Variants in ERGIC1 observed in about 807,000 individuals in gnomAD.
ERGIC1 encodes endoplasmic reticulum-golgi intermediate compartment 1.
ERGIC1 carries 19 observed loss-of-function variants against 38.3 expected under a neutral mutation model. The observed-to-expected ratio is 0.50, with a 90% confidence interval of 0.35 to 0.73. The LOEUF is 0.73. Among genes scored for constraint, ERGIC1 ranks in the 30% least tolerant of loss-of-function variants. ERGIC1 has a pLI of 0.01. For synonymous variants in ERGIC1, 124 were observed against 157.6 expected (o/e 0.79, Z 1.60); for missense variants, 294 against 389.2 (o/e 0.76, Z 2.06).
At chr5:172,941,100 G>A (rs535804875) in intron 9 of ERGIC1, among the ~76,000 whole-genome samples, 7 of 152,294 alleles carry the variant, frequency 4.6e-5, no homozygotes, top group East Asian at 3.9e-4. Flanking sequence ...CCAACATGGC[G>A]AAACTTTGTC....
intron 1 of ERGIC1, among the ~76,000 whole-genome samples, chr5:172,836,482 A>C (rs1761039686): frequency 6.6e-6 from 1 of 152,132 alleles, no homozygotes; most frequent in Non-Finnish European, 1.5e-5. Flanking sequence ...GTGAGAATGG[A>C]TTCAGTGCTT....
intron 7 of ERGIC1, among the ~76,000 whole-genome samples, chr5:172,928,106 G>A (rs148536680): frequency 6.6e-6 from 1 of 152,272 alleles, no homozygotes; most frequent in Admixed American, 6.5e-5. Flanking sequence ...ATGGTAACAT[G>A]TCATCCGACG....
Position 172,926,338 on chromosome 5 carries a change from C to G in ERGIC1, c.481-171C>G, listed in dbSNP as rs756055452. Among the ~76,000 whole-genome samples the G allele has an allele frequency of 6.6e-6, 1 of 152,210 alleles. No homozygotes were observed. Among genetic ancestry groups the G allele is most frequent in the Non-Finnish European group, 1.5e-5 (1 of 68,032 alleles). ...GAGATGGGAAACAAGCTTGTGCCTA[C>G]TATGTGCCAGGCCCCTGCTGCCTCT... On this transcript the variant is annotated intron_variant, in intron 6 of 9. Transcript: ENST00000393784. The surrounding 1 kb of genome is among the most constrained non-coding windows in gnomAD (Gnocchi z 5.2).
At chr5:172,909,492 T>TC (rs1177995526) in intron 3 of ERGIC1, among the ~76,000 whole-genome samples, 175 bp from the exon 4 acceptor site, 1 of 151,972 alleles carries the variant, frequency 6.6e-6, no homozygotes, top group African/African-American at 2.4e-5. Flanking sequence ...AAGGCTGCAC[T>TC]TGAAGAGTGC....
In ERGIC1 at chr5:172,895,380, A is replaced by C. The variant is rs148840473; in HGVS notation, c.83-1622A>C. ...AGTAACTCACTTAGGGCCATGCAGC[A>C]GGTGAGCAGTGGGGCCCCAGCGCAG... is the stretch of plus-strand genomic sequence containing the variant. On this transcript the variant is annotated intron_variant, in intron 2 of 9. Coordinates refer to ENST00000393784, the MANE Select transcript of ERGIC1 (RefSeq NM_001031711.3). Among the ~76,000 whole-genome samples the C allele has an allele frequency of 9.3e-3, 1,416 of 152,318 alleles. 13 individuals carry two copies. The highest frequency in any genetic ancestry group is 0.018 in the South Asian group (87 of 4,830).
rs544352291 is a variant in ERGIC1, at chr5:172,847,518, G to T, written c.20+13085G>T. 5.4e-3 allele frequency among the ~76,000 whole-genome samples: 811 copies of T among 151,576 alleles called. 1 individual carries two copies. Among genetic ancestry groups the T allele is most frequent in the Non-Finnish European group, 9.0e-3 (609 of 67,670 alleles). On this transcript the variant is annotated intron_variant, in intron 1 of 9. Coordinates refer to ENST00000393784, the MANE Select transcript of ERGIC1 (RefSeq NM_001031711.3). The stretch of plus-strand genomic sequence containing the variant: ...CATGTGATATATATATATATTTTTT[G>T]TTGTTGTTGTTGTTGAGAGGGAGTC...
At chr5:172,845,494 A>G (rs936221223) in intron 1 of ERGIC1, among the ~76,000 whole-genome samples, 3 of 152,200 alleles carry the variant, frequency 2.0e-5, no homozygotes, top group African/African-American at 4.8e-5. Flanking sequence ...CCATAGAGTC[A>G]TCTGTTGGTT....
At chr5:172,888,095 GGAAC>G (rs1196069333) in intron 1 of ERGIC1, among the ~76,000 whole-genome samples, 1 of 152,186 alleles carries the variant, frequency 6.6e-6, no homozygotes, top group Admixed American at 6.5e-5. Context: ...CTAGGGTTTG[GGAAC>G]GTGGCAGGGA....
chr5:172,857,827 CTGCTT>C, intron 1 of ERGIC1, among the ~76,000 whole-genome samples: 1 of 152,278 alleles, frequency 6.6e-6, no homozygotes, highest in African/African-American at 2.4e-5. Context: ...CATCTGCTCT[CTGCTT>C]TGCCTTCCTT....
chr5:172,914,556 C>G, intron 4 of ERGIC1, 158 bp from the exon 5 acceptor site: 1 of 1,200,816 alleles, frequency 8.3e-7, no homozygotes, highest in Non-Finnish European at 1.2e-6. Flanking sequence ...ATTGTCCTGT[C>G]CCCTGTAGTC....
At chr5:172,878,726 A>G (rs1762208531) in intron 1 of ERGIC1, among the ~76,000 whole-genome samples, 1 of 152,086 alleles carries the variant, frequency 6.6e-6, no homozygotes. Flanking sequence ...GGCGATGAGA[A>G]TGATTCTAGG....
rs1554110413 is a variant in ERGIC1 at position 172,893,939 on chromosome 5, A to ATCTATATATATATATATATATATATATG, written c.83-3062_83-3061insCTATATATATATATATATATATATATGT. 5.6e-5 allele frequency among the ~76,000 whole-genome samples: 2 copies of ATCTATATATATATATATATATATATATG among 35,774 alleles called. 1 individual carries two copies. The highest frequency in any genetic ancestry group is 1.4e-4 in the Non-Finnish European group (2 of 14,326). The allele number at this position is 35,774 out of a possible 152,430, so 23.5% of individuals were successfully genotyped here. On this transcript the variant is annotated intron_variant, in intron 2 of 9. Transcript: ENST00000393784. ...TGTGTGTGTGTGTGTGTGTGTGTAT[A>ATCTATATATATATATATATATATATATG]TATATATATATATATTTAAATGTCC...
intron 4 of ERGIC1, 88 bp from the exon 5 acceptor site, chr5:172,914,623 GGAT>G (rs1763305873): frequency 6.2e-7 from 1 of 1,609,040 alleles, no homozygotes; most frequent in South Asian, 1.1e-5. Flanking sequence ...CCCCTGCAAT[GGAT>G]GAATGAAGGC....
At chr5:172,913,470 G>A (rs1048283465) in intron 4 of ERGIC1, among the ~76,000 whole-genome samples, 2 of 152,204 alleles carry the variant, frequency 1.3e-5, no homozygotes, top group African/African-American at 4.8e-5. Flanking sequence ...CTGTGGACCC[G>A]TGAGGGTCAT....
Position 172,853,314 on chromosome 5 carries a change from GGGTGCT to G in ERGIC1, c.20+18884_20+18889del, listed in dbSNP as rs551907374. On this transcript the variant is annotated intron_variant, in intron 1 of 9. Coordinates refer to ENST00000393784, the MANE Select transcript of ERGIC1 (RefSeq NM_001031711.3). Reference sequence around the variant, plus strand: ...CCCCCATTGCGGCCCCCATCGTGCTGGGTGCTGGCTTTTGGAAATCCCTGCATACCC... The same window carrying G: ...CCCCCATTGCGGCCCCCATCGTGCTGGGCTTTTGGAAATCCCTGCATACCC... Among the ~76,000 whole-genome samples the G allele has an allele frequency of 2.7e-3, 413 of 152,314 alleles. 1 individual carries two copies. The highest frequency in any genetic ancestry group is 9.5e-3 in the African/African-American group (394 of 41,560).
At chr5:172,947,916 ATTT>A (rs1453459603) in intron 9 of ERGIC1, among the ~76,000 whole-genome samples, 8 of 129,950 alleles carry the variant, frequency 6.2e-5, no homozygotes, top group African/African-American at 1.9e-4. Flanking sequence ...GTGTGTGGTT[ATTT>A]TTTATTTTTT....
chr5:172,841,810 A>C (rs1206462629), intron 1 of ERGIC1, among the ~76,000 whole-genome samples: 1 of 152,226 alleles, frequency 6.6e-6, no homozygotes, highest in Non-Finnish European at 1.5e-5. Flanking sequence ...CTGGCCTTAC[A>C]GACAGATACA....
intron 1 of ERGIC1, among the ~76,000 whole-genome samples, chr5:172,842,588 C>T (rs1477004072): frequency 2.6e-5 from 4 of 152,164 alleles, no homozygotes; most frequent in Non-Finnish European, 5.9e-5. Context: ...GTTGAGAAAT[C>T]TTCCTCCTGT....
chr5:172,899,811 A>G (rs927151178), intron 3 of ERGIC1, among the ~76,000 whole-genome samples: 1 of 152,224 alleles, frequency 6.6e-6, no homozygotes, highest in Non-Finnish European at 1.5e-5. Flanking sequence ...GGAGGTAGAA[A>G]ATGAGATGGC....
Sources: gnomAD v4.1 joint callset for allele counts (sites outside exome capture counted in the v4.1 genomes callset) on GRCh38, gnomAD v4.1.1 for gene constraint, Gnocchi (gnomAD v3.1) non-coding constraint, MANE v1.5 for transcripts, NCBI Gene and HGNC (gene_info 2026-07-23, HGNC 2026-07-21) for gene names.